SECISBP2L: variants seen among roughly 807,000 people sequenced by gnomAD.
SECISBP2L encodes the protein SECIS binding protein 2 like, also known as selenocysteine insertion sequence-binding protein 2-like.
SECISBP2L carries 43 observed loss-of-function variants against 114.7 expected under a neutral mutation model. That is an observed-to-expected ratio of 0.38 (90% CI 0.29 to 0.48). SECISBP2L has a LOEUF of 0.48. Ranked by LOEUF, SECISBP2L falls within the 20% of genes least tolerant of loss-of-function variation. The pLI is 0.98. For synonymous variants in SECISBP2L, 451 were observed against 439.7 expected (o/e 1.03, Z -0.32); for missense variants, 1,136 against 1,301.1 (o/e 0.87, Z 1.95).
chr15:49,031,381 A>G (rs1033819237), intron 4 of SECISBP2L, among the ~76,000 whole-genome samples: 2 of 152,056 alleles, frequency 1.3e-5, no homozygotes, highest in Admixed American at 1.3e-4. Context: ...TACATCCCAT[A>G]TGTCTTCTCT....
chr15:48,999,037 C>T (rs1238004618), intron 16 of SECISBP2L, among the ~76,000 whole-genome samples: 2 of 152,172 alleles, frequency 1.3e-5, no homozygotes, highest in Non-Finnish European at 1.5e-5. Context: ...CTATGCTAAA[C>T]GTGACAAAAG....
rs1158615312 is a variant in SECISBP2L at position 49,006,135 on chromosome 15, T to C, written c.2027+3081A>G. Among the ~76,000 whole-genome samples, 4 of 152,220 alleles carry C rather than the reference T, an allele frequency of 2.6e-5. No homozygotes were observed. The East Asian group carries it at 7.7e-4, about 29-fold the overall frequency. ...GAGACCCGCTGTTAGACTGATGGCCTTACCTTTCTGGGTAACCCGACCTTT... is the reference window on the plus strand; with the variant it reads ...GAGACCCGCTGTTAGACTGATGGCCCTACCTTTCTGGGTAACCCGACCTTT... On this transcript the variant is annotated intron_variant, in intron 14 of 17. Coordinates refer to ENST00000559471, the MANE Select transcript of SECISBP2L (RefSeq NM_001193489.2).
At chr15:49,026,179 C>T (rs1188125957) in intron 7 of SECISBP2L, among the ~76,000 whole-genome samples, 1 of 152,160 alleles carries the variant, frequency 6.6e-6, no homozygotes, top group South Asian at 2.1e-4. Flanking sequence ...AAAAGTTGAT[C>T]TTACAAGTAG....
chr15:48,995,501 C>T (rs1330088649), intron 17 of SECISBP2L, among the ~76,000 whole-genome samples: 1 of 151,856 alleles, frequency 6.6e-6, no homozygotes, highest in African/African-American at 2.4e-5. Context: ...GTTTTTTTTA[C>T]ACGTTAAATT....
intron 7 of SECISBP2L, among the ~76,000 whole-genome samples, chr15:49,025,045 A>G (rs1037205346): frequency 6.6e-6 from 1 of 152,224 alleles, no homozygotes; most frequent in Non-Finnish European, 1.5e-5. Context: ...AAACATGGGT[A>G]GGACTAGCAA....
Position 48,990,078 on chromosome 15 carries a change from T to A in SECISBP2L, c.*2166A>T, listed in dbSNP as rs1019120650. 6 of 152,616 alleles carry A rather than the reference T, an allele frequency of 3.9e-5. No individual in the cohort carries two copies. The highest frequency in any genetic ancestry group is 1.4e-4 in the African/African-American group (6 of 41,450). The allele number at this position is 152,616 out of a possible 1,614,324, so 9.5% of individuals were successfully genotyped here. ...TTTACCGAACATATAAATAAACACT[T>A]CTGAAGTCTATAGCAAAACTAAAAG... On this transcript the variant is annotated 3_prime_UTR_variant, in exon 18 of 18. Transcript: ENST00000559471.
At chr15:49,033,124 A>C in intron 3 of SECISBP2L, 24 bp from the exon 4 acceptor site, 2 of 1,600,658 alleles carry the variant, frequency 1.2e-6, no homozygotes, top group Non-Finnish European at 1.7e-6. Context: ...AAAACAAAAA[A>C]ACAAAAAACA....
intron 1 of SECISBP2L, among the ~76,000 whole-genome samples, chr15:49,039,522 TTTC>T (rs1903078380): frequency 6.6e-6 from 1 of 151,652 alleles, no homozygotes; most frequent in Non-Finnish European, 1.5e-5. Context: ...TTCTTTTTTT[TTTC>T]TTTCTTTTTT....
At chr15:49,026,233 G>A (rs958665659) in intron 7 of SECISBP2L, among the ~76,000 whole-genome samples, 2 of 152,148 alleles carry the variant, frequency 1.3e-5, no homozygotes, top group African/African-American at 4.8e-5. Context: ...GGTTGAGGGA[G>A]AGGGATAGGG....
chr15:48,997,608 G>C (rs999942113), intron 16 of SECISBP2L, among the ~76,000 whole-genome samples: 7 of 152,214 alleles, frequency 4.6e-5, no homozygotes, highest in African/African-American at 1.7e-4. Context: ...GCTGGGCACA[G>C]TGGCTCATGC....
chr15:49,005,376 T>G (rs1408820776), intron 14 of SECISBP2L, among the ~76,000 whole-genome samples: 1 of 152,130 alleles, frequency 6.6e-6, no homozygotes, highest in Admixed American at 6.6e-5. Flanking sequence ...TAAGTCTCTC[T>G]GTAGGTCTCT....
At chr15:49,031,706 A>G (rs1179292288) in intron 4 of SECISBP2L, among the ~76,000 whole-genome samples, 1 of 152,214 alleles carries the variant, frequency 6.6e-6, no homozygotes, top group East Asian at 1.9e-4. Flanking sequence ...AACTAAAAAT[A>G]AAAATACTAA....
rs751706089 is a variant in SECISBP2L, at chr15:49,009,248, T to C, written c.1995A>G (p.Thr665=). 6.2e-7 allele frequency: 1 copy of C among 1,614,140 alleles called. No homozygotes were observed. Among genetic ancestry groups the C allele is most frequent in the East Asian group, 2.2e-5 (1 of 44,872 alleles). ...SGIGSPMASS[T]ITKIHSKRFR... is the part of the protein sequence containing the mutation. ...ATCTTTTGCTGTGGATTTTGGTTATTGTTGAAGATGCCATTGGACTGCCTA... is the reference window on the plus strand; with the variant it reads ...ATCTTTTGCTGTGGATTTTGGTTATCGTTGAAGATGCCATTGGACTGCCTA... The change falls in exon 14 of 18, where the codon ACA becomes ACG. Residue 665 remains threonine, a synonymous_variant. Transcript: ENST00000559471.
chr15:49,013,832 CTCTAAGA>C (rs1390811461), intron 11 of SECISBP2L, among the ~76,000 whole-genome samples: 1 of 152,158 alleles, frequency 6.6e-6, no homozygotes, highest in Non-Finnish European at 1.5e-5. Flanking sequence ...ATCTCAGTTC[CTCTAAGA>C]TCTAACTCTA....
chr15:48,994,251 C>T (rs62010922), intron 17 of SECISBP2L, among the ~76,000 whole-genome samples: 10 of 152,116 alleles, frequency 6.6e-5, no homozygotes, highest in South Asian at 2.1e-4. Context: ...CCCTTTAGTC[C>T]ACTGAATTCA....
intron 14 of SECISBP2L, among the ~76,000 whole-genome samples, chr15:49,004,569 A>C (rs1902278352): frequency 1.3e-5 from 2 of 152,202 alleles, no homozygotes; most frequent in Admixed American, 6.5e-5. Context: ...TGGGCATTTT[A>C]GTGCTATAAA....
intron 8 of SECISBP2L, among the ~76,000 whole-genome samples, chr15:49,018,174 T>C (rs769852288): frequency 6.6e-6 from 1 of 152,180 alleles, no homozygotes; most frequent in Non-Finnish European, 1.5e-5. Flanking sequence ...CCTGGATATA[T>C]TGAAACTATT....
chr15:49,013,390 G>T (rs562739053), intron 11 of SECISBP2L, among the ~76,000 whole-genome samples: 4 of 152,200 alleles, frequency 2.6e-5, no homozygotes, highest in African/African-American at 9.6e-5. Flanking sequence ...TCCACCTCCT[G>T]GGTTCAAGCA....
intron 8 of SECISBP2L, 40 bp downstream of exon 8, chr15:49,019,378 T>C (rs1367858023): frequency 3.8e-6 from 5 of 1,329,772 alleles, no homozygotes; most frequent in East Asian, 6.0e-5. Context: ...AATGGGAACA[T>C]TTCCTATAAC....
Sources: allele counts gnomAD v4.1 joint callset (sites outside exome capture counted in the v4.1 genomes callset), GRCh38; gene constraint gnomAD v4.1.1; transcripts MANE v1.5; gene names NCBI Gene and HGNC (gene_info 2026-07-23, HGNC 2026-07-21).